Variants in THSD4 observed in about 807,000 individuals in gnomAD.
The protein encoded by THSD4 is thrombospondin type 1 domain containing 4.
Under a neutral mutation model 119.0 loss-of-function variants are expected in THSD4, and 69 were observed. The ratio of observed to expected loss-of-function variants is 0.58; its 90% CI spans 0.48 to 0.71. THSD4 has a LOEUF of 0.71. Among genes scored for constraint, THSD4 ranks in the 30% least tolerant of loss-of-function variants. THSD4 has a pLI of 0.00. For synonymous variants in THSD4, 524 were observed against 540.4 expected (o/e 0.97, Z 0.42); for missense variants, 1,393 against 1,391.1 (o/e 1.00, Z -0.02).
At chr15:71,722,856 T>C (rs2052748708) in intron 8 of THSD4, among the ~76,000 whole-genome samples, 1 of 152,232 alleles carries the variant, frequency 6.6e-6, no homozygotes, top group South Asian at 2.1e-4. Context: ...ATATATTTTC[T>C]GTCTATGCTT....
intron 7 of THSD4, among the ~76,000 whole-genome samples, chr15:71,543,147 A>C (rs1337611758): frequency 6.6e-6 from 1 of 152,222 alleles, no homozygotes; most frequent in African/African-American, 2.4e-5. Flanking sequence ...TTAACATCTT[A>C]GTTTTCATAA....
At chr15:71,291,947 C>G (rs893516327) in intron 6 of THSD4, among the ~76,000 whole-genome samples, 3 of 152,324 alleles carry the variant, frequency 2.0e-5, no homozygotes, top group East Asian at 3.9e-4. Context: ...CTGTCTACCA[C>G]ATCCTGCTTT....
rs562230358 is a variant in THSD4, at chr15:71,385,134, C to G, written c.1016-26553C>G. 2.0e-5 allele frequency among the ~76,000 whole-genome samples: 3 copies of G among 152,278 alleles called. No homozygotes were observed. The East Asian group carries it at 5.8e-4, about 29-fold the overall frequency. ...TATTGGATCCAATCCAATCCTGGAT[C>G]CAGTCCAGTTGCTTTCGTGACTTCC... On this transcript the variant is annotated intron_variant, in intron 6 of 17. Coordinates refer to ENST00000261862, the MANE Select transcript of THSD4 (RefSeq NM_024817.3).
intron 6 of THSD4, among the ~76,000 whole-genome samples, chr15:71,374,990 A>C (rs933983905): frequency 3.3e-5 from 5 of 152,200 alleles, no homozygotes; most frequent in African/African-American, 9.7e-5. Flanking sequence ...AGAAATCCTC[A>C]CAGCCACAGA....
At chr15:71,731,497 G>T in intron 10 of THSD4, 1 of 398,136 alleles carries the variant, frequency 2.5e-6, no homozygotes, top group Non-Finnish European at 4.7e-6. Flanking sequence ...CTAGTTTCCA[G>T]GCCAGACAAG....
intron 3 of THSD4, chr15:71,165,415 A>T (rs181848961): frequency 1.9e-4 from 288 of 1,488,326 alleles, no homozygotes; most frequent in Non-Finnish European, 2.5e-4. Context: ...TCCTTTGCCC[A>T]TGTTTAGTTA....
rs534190861 is a variant in THSD4, at chr15:71,266,621, G to A, written c.1015+9906G>A. Among the ~76,000 whole-genome samples, 5 of 152,044 alleles carry A rather than the reference G, an allele frequency of 3.3e-5. No individual in the cohort carries two copies. The East Asian group carries it at 9.8e-4, about 30-fold the overall frequency. On this transcript the variant is annotated intron_variant, in intron 6 of 17. Transcript: ENST00000261862. ...GAACAGAGAATGAGTTTGATGAATT[G>A]ACAGAAGTAGGCTTCAGAAGGTGGG...
chr15:71,437,536 GGA>G (rs959472397), intron 7 of THSD4, among the ~76,000 whole-genome samples: 1 of 152,198 alleles, frequency 6.6e-6, no homozygotes, highest in Non-Finnish European at 1.5e-5. Flanking sequence ...AACAGCTTTG[GGA>G]GAGACAGAAC....
chr15:71,513,871 A>T (rs1331007573), intron 7 of THSD4, among the ~76,000 whole-genome samples: 1 of 152,212 alleles, frequency 6.6e-6, no homozygotes, highest in African/African-American at 2.4e-5. Context: ...ATTCAACACC[A>T]TGGATGAGTC....
chr15:71,649,036 A>G (rs1013126796), intron 7 of THSD4, among the ~76,000 whole-genome samples: 1 of 152,184 alleles, frequency 6.6e-6, no homozygotes, highest in Non-Finnish European at 1.5e-5. Flanking sequence ...AGAAGAAAAG[A>G]CGTTTTGAAC....
At chr15:71,660,124 A>G (rs1343475518) in intron 7 of THSD4, among the ~76,000 whole-genome samples, 1 of 152,212 alleles carries the variant, frequency 6.6e-6, no homozygotes, top group African/African-American at 2.4e-5. Flanking sequence ...AGCATCTATA[A>G]GAAGACATGA....
intron 8 of THSD4, among the ~76,000 whole-genome samples, chr15:71,685,207 A>C (rs2051882066): frequency 6.6e-6 from 1 of 151,758 alleles, no homozygotes. Context: ...CTTTTTAAAA[A>C]AAAAAGAAAT....
rs116454736 is a variant in THSD4, at chr15:71,309,535, C to T, written c.1015+52820C>T. Among the ~76,000 whole-genome samples, 1,035 of 152,252 alleles carry T rather than the reference C, an allele frequency of 6.8e-3. 8 individuals are homozygous for T. The highest frequency in any genetic ancestry group is 0.024 in the African/African-American group (995 of 41,538). ...AATTTACCCATTTTTTCTTTGGCTG[C>T]ATGTACATTTGATGTCCTATTTGAG... is the stretch of plus-strand genomic sequence containing the variant. On this transcript the variant is annotated intron_variant, in intron 6 of 17. Coordinates refer to ENST00000261862, the MANE Select transcript of THSD4 (RefSeq NM_024817.3).
rs995450097 is a variant in THSD4, at chr15:71,728,623, G to A, written c.1432G>A (p.Gly478Arg). 8 of 1,614,158 alleles carry A rather than the reference G, an allele frequency of 5.0e-6. No homozygotes were observed. Among genetic ancestry groups the A allele is most frequent in the South Asian group, 1.1e-5 (1 of 91,080 alleles). Reference protein sequence around the residue: ...AIDRPGKYEGGGTMFTYKRPN... With the variant: ...AIDRPGKYEGRGTMFTYKRPN... ...TGATCGACCAGGAAAATACGAGGGC[G>A]GAGGGACCATGTTCACCTACAAGCG... Residue 478 changes from glycine (G) to arginine (R), a missense_variant, in exon 9 of 18, where the codon GGA becomes AGA. Gly to Arg is a moderately radical substitution (Grantham distance 125, BLOSUM62 -2). Transcript: ENST00000261862.
At chr15:71,209,171 T>A (rs2043869156) in intron 3 of THSD4, among the ~76,000 whole-genome samples, 1 of 152,240 alleles carries the variant, frequency 6.6e-6, no homozygotes, top group South Asian at 2.1e-4. Context: ...AGCTTCTGAA[T>A]GGTAGTGTAC....
At chr15:71,754,079 C>CTTTTT in intron 14 of THSD4, among the ~76,000 whole-genome samples, 1 of 84,348 alleles carries the variant, frequency 1.2e-5, no homozygotes. Flanking sequence ...ACCTTTTATT[C>CTTTTT]TTTTTTTTTT....
intron 9 of THSD4, chr15:71,729,037 C>T (rs2052922154): frequency 8.2e-6 from 3 of 366,690 alleles, no homozygotes; most frequent in South Asian, 5.9e-5. Flanking sequence ...AGCATTGGAT[C>T]TCCTCCAGGC....
At chr15:71,555,211 C>A (rs1192837287) in intron 7 of THSD4, among the ~76,000 whole-genome samples, 2 of 152,266 alleles carry the variant, frequency 1.3e-5, no homozygotes, top group East Asian at 3.9e-4. Flanking sequence ...TTGTTTAACT[C>A]TACAGTTAAT....
intron 8 of THSD4, among the ~76,000 whole-genome samples, chr15:71,701,910 T>TA (rs1334628939): frequency 1.3e-5 from 2 of 152,014 alleles, no homozygotes; most frequent in Non-Finnish European, 2.9e-5. Context: ...TTCTGTGATT[T>TA]AAAAAAAATT....
Sources: gnomAD v4.1 joint callset for allele counts (sites outside exome capture counted in the v4.1 genomes callset) on GRCh38, gnomAD v4.1.1 for gene constraint, MANE v1.5 for transcripts, NCBI Gene and HGNC (gene_info 2026-07-23, HGNC 2026-07-21) for gene names.